TERB2: variants seen among roughly 807,000 people sequenced by gnomAD.
TERB2 encodes telomere repeats-binding bouquet formation protein 2.
Under a neutral mutation model 29.8 loss-of-function variants are expected in TERB2, and 26 were observed. The ratio of observed to expected loss-of-function variants is 0.87; its 90% confidence interval spans 0.64 to 1.21. TERB2 has a LOEUF of 1.21. Ranked by LOEUF, TERB2 falls within the 50% of genes most tolerant of loss-of-function variation. The pLI is 0.00. For missense variants in TERB2, 240 were observed against 268.6 expected (o/e 0.89, Z 0.74); for synonymous variants, 80 against 90.8 (o/e 0.88, Z 0.68).
chr15:44,957,090 T>A, intron 2 of TERB2, 113 bp downstream of exon 2: 1 of 1,127,148 alleles, frequency 8.9e-7, no homozygotes, highest in Non-Finnish European at 1.3e-6. Context: ...GGCGGACACC[T>A]ATAATCCCAG....
At chr15:44,975,171 A>C (rs1030231201) in intron 6 of TERB2, among the ~76,000 whole-genome samples, 2 of 152,182 alleles carry the variant, frequency 1.3e-5, no homozygotes, top group Non-Finnish European at 2.9e-5. Context: ...CTAAAGTAAA[A>C]ATTTTTAATC....
intron 4 of TERB2, among the ~76,000 whole-genome samples, chr15:44,964,696 G>T (rs1005595149): frequency 6.6e-6 from 1 of 152,108 alleles, no homozygotes; most frequent in Non-Finnish European, 1.5e-5. Flanking sequence ...CATGATAAAA[G>T]AATTTGTCAA....
chr15:44,971,452 T>C (rs746280711), intron 5 of TERB2, among the ~76,000 whole-genome samples: 2 of 152,192 alleles, frequency 1.3e-5, no homozygotes, highest in African/African-American at 2.4e-5. Context: ...GTCATATCAT[T>C]TGTTAATAAT....
In TERB2 at chr15:44,956,780, G is replaced by A. The variant is rs755351551; in HGVS notation, c.62G>A (p.Trp21Ter). The A allele has an allele frequency of 6.2e-7, 1 of 1,613,746 alleles. No individual in the cohort carries two copies. The change falls in exon 1 of 7, where the codon TGG (tryptophan) becomes TAG (stop). Residue 21 changes from tryptophan to a stop codon, truncating the protein, a stop_gained and splice_region_variant. Coordinates refer to ENST00000340827, the MANE Select transcript of TERB2 (RefSeq NM_152448.3). LOFTEE classifies it high-confidence loss of function. ...GSVSQDLRQF[W>*]VAEGGTISDP... ...GTTAGCCAGGATCTGAGGCAATTCT[G>A]GGGTAGGAAGCTGAGTGGAAGCAGC...
At chr15:44,969,721 G>C (rs1891941102) in intron 5 of TERB2, among the ~76,000 whole-genome samples, 1 of 151,280 alleles carries the variant, frequency 6.6e-6, no homozygotes, top group African/African-American at 2.4e-5. Context: ...TTAAGCCCAG[G>C]AGTTGAGGTT....
Position 44,956,962 on chromosome 15 carries a change from A to G in TERB2, c.131A>G (p.His44Arg). ...ADFLFSCDAS[H>R]PDTLRIYQSL... ...TTCTTGTTCAGCTGTGATGCCTCGC[A>G]CCCAGACACGCTGAGGTACTGAGGG... Residue 44 changes from histidine (H) to arginine (R), a missense_variant, in exon 2 of 7, where the codon CAC becomes CGC. His to Arg is a conservative substitution (Grantham distance 29). Transcript: ENST00000340827. 1 of 1,613,658 alleles carries G rather than the reference A, an allele frequency of 6.2e-7. No individual in the cohort carries two copies. The highest frequency in any genetic ancestry group is 8.5e-7 in the Non-Finnish European group (1 of 1,179,960).
rs1351003157 is a variant in TERB2 at position 44,956,893 on chromosome 15, C to T, written c.65-3C>T. 1 of 1,613,922 alleles carries T rather than the reference C, an allele frequency of 6.2e-7. No homozygotes were observed. The highest frequency in any genetic ancestry group is 8.5e-7 in the Non-Finnish European group (1 of 1,179,956). On this transcript the variant is annotated splice_region_variant and splice_polypyrimidine_tract_variant and intron_variant, in intron 1 of 6. Coordinates refer to ENST00000340827, the MANE Select transcript of TERB2 (RefSeq NM_152448.3). ...GGTTCACCCTGTGCTCTTACCTCCACAGTGGCTGAAGGGGGAACGATCAGT... is the reference window on the plus strand; with the variant it reads ...GGTTCACCCTGTGCTCTTACCTCCATAGTGGCTGAAGGGGGAACGATCAGT...
Position 44,958,524 on chromosome 15 carries a change from T to C in TERB2, c.286+12T>C, listed in dbSNP as rs1891756264. The C allele has an allele frequency of 4.4e-6, 7 of 1,598,572 alleles. 1 individual carries two copies. In the African/African-American group the frequency reaches 8.0e-5, roughly 18 times the overall value. ...GTGCCTGCAAAAAGGTTAGCAAAGA[T>C]CATTCAGCCAATCCCTGTCAGACAG... On this transcript the variant is annotated intron_variant, in intron 3 of 6. Coordinates refer to ENST00000340827, the MANE Select transcript of TERB2 (RefSeq NM_152448.3).
At chr15:44,977,333 C>T (rs1268577394) in intron 6 of TERB2, among the ~76,000 whole-genome samples, 5 of 152,326 alleles carry the variant, frequency 3.3e-5, no homozygotes, top group East Asian at 1.9e-4. Flanking sequence ...CTACAATAAT[C>T]TATTTCTGAT....
At chr15:44,957,131 T>C (rs961276804) in intron 2 of TERB2, among the ~76,000 whole-genome samples, 154 bp downstream of exon 2, 1 of 151,546 alleles carries the variant, frequency 6.6e-6, no homozygotes, top group Admixed American at 6.6e-5. Flanking sequence ...GGAGAATCGC[T>C]TGAACTCGGG....
intron 6 of TERB2, chr15:44,976,026 G>A (rs2141245608): frequency 6.6e-6 from 1 of 152,220 alleles, no homozygotes; most frequent in Non-Finnish European, 1.5e-5. Context: ...AAATCAAAGT[G>A]CTCCAAAACT....
intron 6 of TERB2, among the ~76,000 whole-genome samples, chr15:44,975,096 G>A (rs1167403739): frequency 6.6e-6 from 1 of 152,140 alleles, no homozygotes; most frequent in Non-Finnish European, 1.5e-5. Flanking sequence ...TAAAAAATTA[G>A]TCAGAATTTT....
At chr15:44,959,521 C>T (rs1177868625) in intron 3 of TERB2, among the ~76,000 whole-genome samples, 2 of 152,212 alleles carry the variant, frequency 1.3e-5, no homozygotes, top group South Asian at 2.1e-4. Flanking sequence ...GCGCCCACCA[C>T]CACACCCGGC....
chr15:44,956,931 G>T lies in TERB2; in HGVS notation c.100G>T (p.Ala34Ser), dbSNP rs760113071. The T allele has an allele frequency of 1.2e-6, 2 of 1,613,986 alleles. No homozygotes were observed. Among genetic ancestry groups the T allele is most frequent in the East Asian group, 2.2e-5 (1 of 44,866 alleles). ...EGGTISDPRAADFLFSCDASH... is the reference protein window; with the variant it reads ...EGGTISDPRASDFLFSCDASH... ...GGGAACGATCAGTGACCCGCGAGCC[G>T]CCGACTTCTTGTTCAGCTGTGATGC... The change falls in exon 2 of 7, where the codon GCC (alanine) becomes TCC (serine). Residue 34 changes from alanine to serine, a missense_variant. Physicochemically the swap from Ala to Ser is moderately conservative, Grantham distance 99. Transcript: ENST00000340827.
intron 3 of TERB2, among the ~76,000 whole-genome samples, chr15:44,961,010 A>G (rs1029068332): frequency 6.6e-6 from 1 of 151,760 alleles, no homozygotes; most frequent in African/African-American, 2.4e-5. Flanking sequence ...CTAATGCATT[A>G]TATAGATACA....
intron 4 of TERB2, 143 bp downstream of exon 4, chr15:44,961,727 TCTCA>T: frequency 3.6e-6 from 2 of 549,616 alleles, no homozygotes; most frequent in Non-Finnish European, 6.3e-6. Context: ...TGAGACGGAG[TCTCA>T]CTCTGTCTCC....
intron 5 of TERB2, among the ~76,000 whole-genome samples, chr15:44,971,532 G>A (rs2141243991): frequency 6.6e-6 from 1 of 152,242 alleles, no homozygotes; most frequent in East Asian, 1.9e-4. Flanking sequence ...CAGGCAGGCG[G>A]ATCACGAGGT....
At chr15:44,961,186 T>G (rs1891796586) in intron 3 of TERB2, among the ~76,000 whole-genome samples, 1 of 137,788 alleles carries the variant, frequency 7.3e-6, no homozygotes, top group African/African-American at 3.0e-5. Flanking sequence ...TGAACATACC[T>G]CAATGATATA....
At chr15:44,959,334 T>G (rs1395815147) in intron 3 of TERB2, among the ~76,000 whole-genome samples, 3 of 152,100 alleles carry the variant, frequency 2.0e-5, no homozygotes, top group African/African-American at 7.2e-5. Flanking sequence ...TATACCGTTC[T>G]TCTACCCAAA....
Sources: allele counts gnomAD v4.1 joint callset (sites outside exome capture counted in the v4.1 genomes callset), GRCh38; gene constraint gnomAD v4.1.1; transcripts MANE v1.5; gene names NCBI Gene and HGNC (gene_info 2026-07-23, HGNC 2026-07-21).